Variants in DGKI observed in about 807,000 individuals in gnomAD.
DGKI encodes the protein DAG kinase iota.
In DGKI, 55 loss-of-function variants were observed where a neutral mutation model predicts 147.5. The observed-to-expected ratio is 0.37, with a 90% CI of 0.30 to 0.47. The LOEUF (loss-of-function observed/expected upper bound fraction) is 0.47, where lower values mean the gene tolerates loss of function less well. Ranked by LOEUF, DGKI falls within the 20% of genes least tolerant of loss-of-function variation. DGKI has a pLI of 1.00. For synonymous variants in DGKI, 469 were observed against 477.1 expected (o/e 0.98, Z 0.22); for missense variants, 1,007 against 1,323.8 (o/e 0.76, Z 3.71).
intron 27 of DGKI, among the ~76,000 whole-genome samples, chr7:137,461,705 GA>G (rs767643658): frequency 4.3e-4 from 66 of 152,236 alleles, no homozygotes; most frequent in Non-Finnish European, 6.9e-4. Context: ...AAAGGCTGGG[GA>G]TGAATGTTTG....
rs1296986823 is a variant in DGKI at position 137,395,747 on chromosome 7, CA to C, written c.2958-51del. 1.9e-6 allele frequency: 3 copies of C among 1,564,744 alleles called. No homozygotes were observed. In the East Asian group the frequency reaches 6.8e-5, roughly 35 times the overall value. On this transcript the variant is annotated intron_variant, in intron 31 of 32. Transcript: ENST00000614521. Reference sequence around the variant, plus strand: ...CCACCCATAAAGGGGTTGGAGGCAGCAGGGAATGGGTGAGGGGAGCTGATGT... The same window carrying C: ...CCACCCATAAAGGGGTTGGAGGCAGCGGGAATGGGTGAGGGGAGCTGATGT...
intron 1 of DGKI, 46 bp from the exon 2 acceptor site, chr7:137,690,048 A>C: frequency 1.4e-6 from 2 of 1,470,368 alleles, no homozygotes; most frequent in Non-Finnish European, 1.9e-6. Flanking sequence ...AAAAACCAAC[A>C]TCAGAATCTC....
At chr7:137,520,781 C>A (rs572075172) in intron 21 of DGKI, among the ~76,000 whole-genome samples, 27 of 152,128 alleles carry the variant, frequency 1.8e-4, no homozygotes, top group Admixed American at 1.4e-3. Flanking sequence ...CTGTACCCAC[C>A]CCTGGGATTA....
intron 27 of DGKI, among the ~76,000 whole-genome samples, chr7:137,460,791 C>T (rs1295339457): frequency 1.3e-5 from 2 of 152,140 alleles, no homozygotes; most frequent in African/African-American, 4.8e-5. Flanking sequence ...TTACACTACT[C>T]TGTGTTGTTT....
rs1455057605 is a variant in DGKI, at chr7:137,428,525, T to C, written c.2761+15552A>G. ...GATGCCCTCTCTCACCACTCCTATT[T>C]GACATAGTGTTGGAAGTTCTGGCCA... is the stretch of plus-strand genomic sequence containing the variant. On this transcript the variant is annotated intron_variant, in intron 28 of 32. Transcript: ENST00000614521. 5.1e-3 allele frequency among the ~76,000 whole-genome samples: 771 copies of C among 151,796 alleles called. 9 individuals carry two copies. The highest frequency in any genetic ancestry group is 0.017 in the African/African-American group (719 of 41,130).
At position 137,758,418 on chromosome 7, in the gene DGKI, G is replaced by A. The variant is rs147142873; in HGVS notation, c.402-68416C>T. Reference sequence around the variant, plus strand: ...CATATCTCAGAGGCCATGTGCGGTGGCTTACACCTGTAATCCCAGCATTTT... The same window carrying A: ...CATATCTCAGAGGCCATGTGCGGTGACTTACACCTGTAATCCCAGCATTTT... On this transcript the variant is annotated intron_variant, in intron 1 of 32. Transcript: ENST00000614521. Among the ~76,000 whole-genome samples, 37 of 152,320 alleles carry A rather than the reference G, an allele frequency of 2.4e-4. No individual in the cohort carries two copies. The East Asian group carries it at 6.8e-3, about 28-fold the overall frequency.
intron 3 of DGKI, among the ~76,000 whole-genome samples, chr7:137,663,536 C>A (rs921010533): frequency 1.2e-4 from 19 of 152,294 alleles, no homozygotes; most frequent in African/African-American, 4.6e-4. Flanking sequence ...ATGTCCACTG[C>A]GGGACAATTC....
intron 21 of DGKI, among the ~76,000 whole-genome samples, chr7:137,503,779 C>T (rs370908327): frequency 1.3e-5 from 2 of 152,076 alleles, no homozygotes; most frequent in East Asian, 3.9e-4. Context: ...ATATTATCTA[C>T]CCCACTGGGT....
At position 137,463,063 on chromosome 7, in the gene DGKI, G is replaced by C. The variant is rs545496531; in HGVS notation, c.2735+426C>G. 3.3e-5 allele frequency among the ~76,000 whole-genome samples: 5 copies of C among 152,158 alleles called. No homozygotes were observed. The East Asian group carries it at 9.7e-4, about 29-fold the overall frequency. On this transcript the variant is annotated intron_variant, in intron 27 of 32. Transcript: ENST00000614521. ...ATATTGGGTACAGCACACATGCACAGGCTCAGGACTGAGGACCACTGAAAC... is the reference window on the plus strand; with the variant it reads ...ATATTGGGTACAGCACACATGCACACGCTCAGGACTGAGGACCACTGAAAC...
At chr7:137,688,022 C>A (rs76058922) in intron 2 of DGKI, among the ~76,000 whole-genome samples, 1,745 of 152,270 alleles carry the variant, frequency 0.011, 28 homozygotes, top group Non-Finnish European at 0.019. Context: ...AGAGTACATA[C>A]CTCTCTATAG....
intron 8 of DGKI, among the ~76,000 whole-genome samples, chr7:137,618,912 C>G (rs1035594283): frequency 5.3e-5 from 8 of 152,138 alleles, no homozygotes; most frequent in African/African-American, 9.7e-5. Context: ...AGAGTCTAAA[C>G]TTTATATAAA....
intron 17 of DGKI, among the ~76,000 whole-genome samples, chr7:137,575,544 A>C (rs929083497): frequency 2.0e-5 from 3 of 152,242 alleles, no homozygotes; most frequent in Non-Finnish European, 4.4e-5. Context: ...ATGCGCCTGT[A>C]AATGCAAAAC....
chr7:137,665,171 A>T (rs1436427147), intron 3 of DGKI, among the ~76,000 whole-genome samples: 1 of 152,172 alleles, frequency 6.6e-6, no homozygotes, highest in Non-Finnish European at 1.5e-5. Flanking sequence ...TTTTCCTGAA[A>T]GAGAATAAGA....
At chr7:137,824,894 C>T (rs1798012027) in intron 1 of DGKI, among the ~76,000 whole-genome samples, 1 of 152,170 alleles carries the variant, frequency 6.6e-6, no homozygotes, top group African/African-American at 2.4e-5. Context: ...CGATCTCATC[C>T]CTTTTTATGG....
chr7:137,452,059 T>C (rs1274804597), intron 27 of DGKI, among the ~76,000 whole-genome samples: 1 of 152,184 alleles, frequency 6.6e-6, no homozygotes, highest in Non-Finnish European at 1.5e-5. Flanking sequence ...ACTCTTACTT[T>C]CTGTAAAGAA....
intron 1 of DGKI, among the ~76,000 whole-genome samples, chr7:137,731,878 C>T (rs969452998): frequency 2.0e-5 from 3 of 152,048 alleles, no homozygotes; most frequent in African/African-American, 7.2e-5. Context: ...CTACACCATG[C>T]TTGATCAGGA....
chr7:137,754,764 C>T (rs1585447956), intron 1 of DGKI, among the ~76,000 whole-genome samples: 2 of 152,162 alleles, frequency 1.3e-5, no homozygotes, highest in African/African-American at 2.4e-5. Flanking sequence ...GAAACGGCAG[C>T]GATGGCAGCT....
intron 1 of DGKI, among the ~76,000 whole-genome samples, chr7:137,775,706 A>T (rs534414077): frequency 3.9e-5 from 6 of 152,244 alleles, no homozygotes; most frequent in Non-Finnish European, 8.8e-5. Context: ...TTTTAGCAAC[A>T]TTACGTGTAA....
At chr7:137,748,847 A>C (rs912763749) in intron 1 of DGKI, among the ~76,000 whole-genome samples, 2 of 152,236 alleles carry the variant, frequency 1.3e-5, no homozygotes, top group Non-Finnish European at 2.9e-5. Context: ...ACATCTGTTA[A>C]GGAAAAGAAT....
Sources: allele counts gnomAD v4.1 joint callset (sites outside exome capture counted in the v4.1 genomes callset), GRCh38; gene constraint gnomAD v4.1.1; transcripts MANE v1.5; gene names NCBI Gene and HGNC (gene_info 2026-07-23, HGNC 2026-07-21).